ISLR2: variants seen among roughly 807,000 people sequenced by gnomAD.
ISLR2 encodes the protein immunoglobulin superfamily containing leucine-rich repeat protein 2.
In ISLR2, 16 loss-of-function variants were observed where a neutral mutation model predicts 25.5. The ratio of observed to expected loss-of-function variants is 0.63; its 90% CI spans 0.43 to 0.95. The LOEUF (loss-of-function observed/expected upper bound fraction) is 0.95. ISLR2 is among the 40% of genes least tolerant of loss of function. The probability of loss-of-function intolerance (pLI) is 0.00; values close to 1 mark genes in which losing one functional copy is unlikely to be tolerated. For synonymous variants in ISLR2, 508 were observed against 486.6 expected (o/e 1.04, Z -0.58); for missense variants, 883 against 1,030.7 (o/e 0.86, Z 1.96).
intron 2 of ISLR2, among the ~76,000 whole-genome samples, chr15:74,107,652 T>G (rs552226809): frequency 1.3e-5 from 2 of 152,288 alleles, no homozygotes; most frequent in African/African-American, 4.8e-5. Context: ...CACCTCCTGA[T>G]GTTTGCCCGC....
chr15:74,134,416 G>T lies in ISLR2; in HGVS notation c.1662G>T (p.Trp554Cys). The T allele has an allele frequency of 6.2e-7, 1 of 1,610,572 alleles. No homozygotes were observed. Among genetic ancestry groups the T allele is most frequent in the Non-Finnish European group, 8.5e-7 (1 of 1,179,160 alleles). The change falls in exon 3 of 3, where the codon TGG becomes TGT. Residue 554 changes from tryptophan (W) to cysteine (C), a missense_variant. Trp to Cys is a radical substitution (Grantham distance 215, BLOSUM62 -2). Around this residue, in one of 2 missense-constraint regions of ISLR2, gnomAD observed 612 missense variants for 642.8 expected, o/e 0.95. Coordinates refer to ENST00000453268, the MANE Select transcript of ISLR2 (RefSeq NM_020851.3). ...SRVEEGVNAY[W>C]FRGLRPGTNY... ...TAGAGGAAGGCGTCAACGCCTACTG[G>T]TTCCGCGGCCTGCGGCCGGGTACCA...
chr15:74,125,322 C>T (rs973806851), upstream of ISLR2, among the ~76,000 whole-genome samples: 1 of 152,146 alleles, frequency 6.6e-6, no homozygotes. Context: ...ATGGCTGCCT[C>T]GACCTCCTGG....
intron 2 of ISLR2, among the ~76,000 whole-genome samples, chr15:74,106,737 C>A (rs2072123348): frequency 6.6e-6 from 1 of 152,048 alleles, no homozygotes; most frequent in South Asian, 2.1e-4. Context: ...ATATCCAAGG[C>A]CACGTTTGGG....
Position 74,132,146 on chromosome 15 carries a change from T to A in ISLR2, c.-8-601T>A, listed in dbSNP as rs1022769381. The A allele has an allele frequency of 6.5e-6, 1 of 154,544 alleles. No homozygotes were observed. The highest frequency in any genetic ancestry group is 6.3e-5 in the Admixed American group (1 of 15,764). The allele number at this position is 154,544 out of a possible 1,614,324, so 9.6% of individuals were successfully genotyped here. ...AGAACAATGAGGTCTGCAGGGTCTA[T>A]TGTGTCCATGTCTGGGTGCATATGT... is the stretch of plus-strand genomic sequence containing the variant. On this transcript the variant is annotated intron_variant, in intron 2 of 2. Coordinates refer to ENST00000453268, the MANE Select transcript of ISLR2 (RefSeq NM_020851.3). The surrounding 1 kb of genome is among the most constrained non-coding windows in gnomAD (Gnocchi z 4.3).
intron 2 of ISLR2, among the ~76,000 whole-genome samples, chr15:74,114,487 G>A (rs2072195288): frequency 6.6e-6 from 1 of 152,166 alleles, no homozygotes; most frequent in South Asian, 2.1e-4. Context: ...GCCGGGTGCA[G>A]TGGCTCACAC....
chr15:74,110,555 C>T (rs1323812557), intron 2 of ISLR2, among the ~76,000 whole-genome samples: 3 of 151,896 alleles, frequency 2.0e-5, no homozygotes, highest in Admixed American at 6.6e-5. Context: ...CGGTGGCTCA[C>T]GCCTGTAATC....
intron 1 of ISLR2, among the ~76,000 whole-genome samples, chr15:74,103,415 C>G (rs1393157663): frequency 6.7e-6 from 1 of 148,648 alleles, no homozygotes; most frequent in Non-Finnish European, 1.5e-5. Flanking sequence ...CCAGCCTAGC[C>G]AACATGTCGA....
rs1321674601 is a variant in ISLR2, at chr15:74,134,294, G to A, written c.1540G>A (p.Gly514Ser). Reference protein sequence around the residue: ...PLAARWGPGPGGAGGAPRPGR... With the variant: ...PLAARWGPGPSGAGGAPRPGR... ...GGCTGCGCGCTGGGGCCCTGGGCCC[G>A]GCGGGGCTGGCGGAGCCCCGCGACC... is the stretch of plus-strand genomic sequence containing the variant. Residue 514 changes from glycine (G) to serine (S), a missense_variant, in exon 3 of 3, where the codon GGC (glycine) becomes AGC (serine). This residue lies in a region of ISLR2 where 612 missense variants were observed against 642.8 expected (regional missense o/e 0.95). Coordinates refer to ENST00000453268, the MANE Select transcript of ISLR2 (RefSeq NM_020851.3). 6.6e-7 allele frequency: 1 copy of A among 1,526,312 alleles called. No individual in the cohort carries two copies. Among genetic ancestry groups the A allele is most frequent in the African/African-American group, 1.4e-5 (1 of 72,008 alleles). 94.5% of individuals were successfully genotyped at this position (1,526,312 alleles called of 1,614,324 possible). A position where few individuals can be genotyped will look rare whatever the true frequency, so the allele number is the denominator to read the frequency against.
At position 74,132,481 on chromosome 15, in the gene ISLR2, T is replaced by G. The variant is rs2072443806; in HGVS notation, c.-8-266T>G. Among the ~76,000 whole-genome samples the G allele has an allele frequency of 6.6e-6, 1 of 151,940 alleles. No homozygotes were observed. ...CTGCGGAGCCCACGGAGGGGCCAGC[T>G]CCAGCGTGAAGGAAGGAGTAGGAAG... On this transcript the variant is annotated intron_variant, in intron 2 of 2. Transcript: ENST00000453268. The surrounding 1 kb of genome is among the most constrained non-coding windows in gnomAD (Gnocchi z 4.3).
downstream of ISLR2, among the ~76,000 whole-genome samples, chr15:74,137,618 G>A (rs1001867990): frequency 2.0e-5 from 3 of 152,248 alleles, no homozygotes; most frequent in African/African-American, 7.2e-5. Flanking sequence ...AAACACACGG[G>A]TTGGGCTGCT....
chr15:74,131,250 C>G lies in ISLR2; in HGVS notation c.-75C>G, dbSNP rs1415734245. 6.5e-6 allele frequency: 1 copy of G among 153,080 alleles called. No individual in the cohort carries two copies. The highest frequency in any genetic ancestry group is 6.5e-5 in the Admixed American group (1 of 15,290). The allele number at this position is 153,080 out of a possible 1,614,324, so 9.5% of individuals were successfully genotyped here. ...TCTTGCTTGGGCTATCTTCCCTGCT[C>G]TGCCACGCCGGGTCTGGAGAAGGGG... On this transcript the variant is annotated 5_prime_UTR_variant, in exon 2 of 3. Coordinates refer to ENST00000453268, the MANE Select transcript of ISLR2 (RefSeq NM_020851.3).
rs1457705288 is a variant in ISLR2 at position 74,134,440 on chromosome 15, C to T, written c.1686C>T (p.Thr562=). The change falls in exon 3 of 3, where the codon ACC becomes ACT. Residue 562 remains threonine, a synonymous_variant. Transcript: ENST00000453268. ...AYWFRGLRPG[T]NYSVCLALAG... The stretch of plus-strand genomic sequence containing the variant: ...GGTTCCGCGGCCTGCGGCCGGGTAC[C>T]AACTACTCCGTGTGCCTGGCGCTGG... The T allele has an allele frequency of 6.2e-7, 1 of 1,612,490 alleles. No homozygotes were observed. The highest frequency in any genetic ancestry group is 1.3e-5 in the African/African-American group (1 of 74,940).
chr15:74,115,786 G>A (rs2072205374), intron 2 of ISLR2, among the ~76,000 whole-genome samples: 1 of 150,732 alleles, frequency 6.6e-6, no homozygotes, highest in African/African-American at 2.4e-5. Context: ...CAGAGATGAT[G>A]TAATTTGCAG....
chr15:74,138,933 G>T (rs1417196607), downstream of ISLR2, among the ~76,000 whole-genome samples: 1 of 152,116 alleles, frequency 6.6e-6, no homozygotes, highest in Non-Finnish European at 1.5e-5. Flanking sequence ...GGCTGGGCCA[G>T]TGAGTGCTCA....
In ISLR2 at chr15:74,134,745, C is replaced by A. The variant is rs768812341; in HGVS notation, c.1991C>A (p.Ala664Glu). 1.2e-6 allele frequency: 2 copies of A among 1,613,942 alleles called. No individual in the cohort carries two copies. Among genetic ancestry groups the A allele is most frequent in the Admixed American group, 3.3e-5 (2 of 60,030 alleles). The part of the protein sequence containing the change: ...SEKSYPAGGE[A>E]GGEEPEDVQG... ...AAAAGCTACCCGGCAGGCGGCGAGG[C>A]GGGCGGCGAGGAGCCAGAGGACGTG... Residue 664 changes from alanine to glutamate, a missense_variant, in exon 3 of 3, where the codon GCG becomes GAG. Coordinates refer to ENST00000453268, the MANE Select transcript of ISLR2 (RefSeq NM_020851.3).
At chr15:74,106,941 G>A (rs111672643) in intron 2 of ISLR2, among the ~76,000 whole-genome samples, 4 of 152,206 alleles carry the variant, frequency 2.6e-5, no homozygotes, top group African/African-American at 7.2e-5. Context: ...CTCCGAACTC[G>A]TACTAGTTGC....
In ISLR2 at chr15:74,134,720, A is replaced by T; in HGVS notation, c.1966A>T (p.Lys656Ter). 6.2e-7 allele frequency: 1 copy of T among 1,614,080 alleles called. No individual in the cohort carries two copies. The highest frequency in any genetic ancestry group is 8.5e-7 in the Non-Finnish European group (1 of 1,179,992). The change falls in exon 3 of 3, where the codon AAA (lysine) becomes TAA (stop). Residue 656 changes from lysine to a stop codon, truncating the protein, a stop_gained. Transcript: ENST00000453268. LOFTEE classifies it high-confidence loss of function. ...GCGTGCTTCGTACCTCGAGTCCGAG[A>T]AAAGCTACCCGGCAGGCGGCGAGGC... is the stretch of plus-strand genomic sequence containing the variant. ...DPRASYLESE[K>*]SYPAGGEAGG...
In ISLR2 at chr15:74,134,286, C is replaced by T. The variant is rs2072510484; in HGVS notation, c.1532C>T (p.Pro511Leu). Residue 511 changes from proline to leucine, a missense_variant, in exon 3 of 3, where the codon CCT becomes CTT. Transcript: ENST00000453268. ...QLTPLAARWGPGPGGAGGAPR... is the reference protein window; with the variant it reads ...QLTPLAARWGLGPGGAGGAPR... ...ACTCCGCTGGCTGCGCGCTGGGGCCCTGGGCCCGGCGGGGCTGGCGGAGCC... is the reference window on the plus strand; with the variant it reads ...ACTCCGCTGGCTGCGCGCTGGGGCCTTGGGCCCGGCGGGGCTGGCGGAGCC... 1 of 1,546,826 alleles carries T rather than the reference C, an allele frequency of 6.5e-7. No homozygotes were observed. The highest frequency in any genetic ancestry group is 8.7e-7 in the Non-Finnish European group (1 of 1,145,998).
chr15:74,127,065 T>C (rs2072308280), upstream of ISLR2: 2 of 151,942 alleles, frequency 1.3e-5, no homozygotes, highest in South Asian at 4.2e-4. Flanking sequence ...ATGCTGGGGA[T>C]GTTTGATGCC....
Sources: allele counts gnomAD v4.1 joint callset (sites outside exome capture counted in the v4.1 genomes callset), GRCh38; gene constraint gnomAD v4.1.1; regional missense constraint gnomAD v4.1.1; non-coding constraint Gnocchi (gnomAD v3.1); transcripts MANE v1.5; gene names NCBI Gene and HGNC (gene_info 2026-07-23, HGNC 2026-07-21).